The following SLIT2 variants were observed in gnomAD, a reference collection of about 807,000 sequenced individuals.
SLIT2 encodes slit homolog 2 protein.
A neutral mutation model predicts 185.7 loss-of-function variants in SLIT2; 41 were observed. The ratio of observed to expected loss-of-function variants is 0.22; its 90% CI spans 0.17 to 0.29. The LOEUF (loss-of-function observed/expected upper bound fraction) is 0.29, where lower values mean the gene tolerates loss of function less well. Ranked by LOEUF, SLIT2 falls within the 10% of genes least tolerant of loss-of-function variation. The probability of loss-of-function intolerance (pLI) is 1.00; values close to 1 mark genes in which losing one functional copy is unlikely to be tolerated. For missense variants in SLIT2, 1,571 were observed against 1,909.0 expected, an observed-to-expected ratio of 0.82 and a Z score of 3.30; for synonymous variants, 693 against 680.2, an observed-to-expected ratio of 1.02 and a Z score of -0.29.
intron 8 of SLIT2, chr4:20,490,865 C>CTT: frequency 7.1e-7 from 1 of 1,409,602 alleles, no homozygotes; most frequent in Non-Finnish European, 9.7e-7. Flanking sequence ...AGTTTAAGAG[C>CTT]TTGTTTAGAG....
At chr4:20,423,905 A>C (rs1728352476) in intron 4 of SLIT2, among the ~76,000 whole-genome samples, 1 of 152,128 alleles carries the variant, frequency 6.6e-6, no homozygotes, top group African/African-American at 2.4e-5. Flanking sequence ...AAGGAATGTA[A>C]TTTTGGCTCA....
intron 4 of SLIT2, among the ~76,000 whole-genome samples, chr4:20,321,476 G>C (rs913210570): frequency 6.6e-6 from 1 of 152,166 alleles, no homozygotes; most frequent in African/African-American, 2.4e-5. Flanking sequence ...ATTCAAGCTG[G>C]TGTGTAGGAC....
intron 4 of SLIT2, among the ~76,000 whole-genome samples, chr4:20,463,339 A>G (rs1713926277): frequency 6.6e-6 from 1 of 151,202 alleles, no homozygotes; most frequent in African/African-American, 2.4e-5. Context: ...GCCTGGGTCA[A>G]CCAAGCCGCC....
chr4:20,354,900 T>TGAGA (rs1265750841), intron 4 of SLIT2, among the ~76,000 whole-genome samples: 13 of 113,842 alleles, frequency 1.1e-4, no homozygotes, highest in African/African-American at 3.7e-4. Context: ...TGTGTGTGTG[T>TGAGA]GTGTGTGAGA....
chr4:20,425,735 A>T (rs1728512505), intron 4 of SLIT2, among the ~76,000 whole-genome samples: 1 of 152,222 alleles, frequency 6.6e-6, no homozygotes, highest in Admixed American at 6.5e-5. Context: ...AGTCTTTCAA[A>T]TATCCAAAAA....
intron 29 of SLIT2, among the ~76,000 whole-genome samples, chr4:20,582,487 T>A (rs1726668320): frequency 6.6e-6 from 1 of 152,208 alleles, no homozygotes; most frequent in Non-Finnish European, 1.5e-5. Context: ...TGAAGCCAGT[T>A]GCTATCAATC....
intron 20 of SLIT2, 80 bp from the exon 21 acceptor site, chr4:20,542,414 T>C: frequency 7.5e-7 from 1 of 1,332,780 alleles, no homozygotes; most frequent in East Asian, 2.3e-5. Flanking sequence ...GTTTGTTAAG[T>C]TAATTTAAAG....
intron 26 of SLIT2, among the ~76,000 whole-genome samples, chr4:20,564,636 T>C (rs1216153184): frequency 6.6e-6 from 1 of 151,950 alleles, no homozygotes; most frequent in African/African-American, 2.4e-5. Flanking sequence ...ACCATTTTGG[T>C]AAAGTTGGTA....
chr4:20,286,743 A>C (rs777380215), intron 4 of SLIT2, among the ~76,000 whole-genome samples: 39 of 152,224 alleles, frequency 2.6e-4, no homozygotes, highest in Non-Finnish European at 2.9e-4. Context: ...CAAAGGTTGC[A>C]GTGAGCTGAG....
At chr4:20,328,875 T>A (rs1352887216) in intron 4 of SLIT2, among the ~76,000 whole-genome samples, 1 of 152,076 alleles carries the variant, frequency 6.6e-6, no homozygotes, top group Non-Finnish European at 1.5e-5. Context: ...AATGTGTGTA[T>A]GTACATGTGT....
chr4:20,254,600 C>T lies in SLIT2; in HGVS notation c.179+606C>T, dbSNP rs904962104. ...CACCTCGCATAGTAGCCTCGCGCAG[C>T]CCCCCGCCCCCCACTTCTCCGGGGA... On this transcript the variant is annotated intron_variant, in intron 1 of 36. Transcript: ENST00000504154. The surrounding 1 kb of genome is among the most constrained non-coding windows in gnomAD (Gnocchi z 5.1). Among the ~76,000 whole-genome samples the T allele has an allele frequency of 6.6e-6, 1 of 152,100 alleles. No individual in the cohort carries two copies. Among genetic ancestry groups the T allele is most frequent in the Non-Finnish European group, 1.5e-5 (1 of 68,006 alleles).
chr4:20,522,860 G>T (rs762864898), intron 12 of SLIT2, among the ~76,000 whole-genome samples: 4 of 152,060 alleles, frequency 2.6e-5, no homozygotes, highest in Non-Finnish European at 5.9e-5. Flanking sequence ...GGAAAGGAAG[G>T]GAAATGAAAT....
At chr4:20,454,594 A>T (rs946304748) in intron 4 of SLIT2, among the ~76,000 whole-genome samples, 1 of 152,182 alleles carries the variant, frequency 6.6e-6, no homozygotes, top group Non-Finnish European at 1.5e-5. Flanking sequence ...TCAGACTCTA[A>T]GAGAGGTTAA....
chr4:20,578,424 T>C (rs908583465), intron 29 of SLIT2, among the ~76,000 whole-genome samples: 1 of 152,332 alleles, frequency 6.6e-6, no homozygotes, highest in Non-Finnish European at 1.5e-5. Context: ...CTGATTACAT[T>C]TAACACTAGA....
Position 20,553,982 on chromosome 4 carries a change from T to C in SLIT2, c.2725+14T>C. The C allele has an allele frequency of 6.4e-7, 1 of 1,562,418 alleles. No homozygotes were observed. Among genetic ancestry groups the C allele is most frequent in the Non-Finnish European group, 8.6e-7 (1 of 1,158,506 alleles). On this transcript the variant is annotated intron_variant, in intron 26 of 36. Coordinates refer to ENST00000504154, the MANE Select transcript of SLIT2 (RefSeq NM_004787.4). ...TTACCTGTCAAGGTATGGTTTTTAATCATTTGTATTTCTTTTAAGAATTAC... is the reference window on the plus strand; with the variant it reads ...TTACCTGTCAAGGTATGGTTTTTAACCATTTGTATTTCTTTTAAGAATTAC...
intron 9 of SLIT2, among the ~76,000 whole-genome samples, chr4:20,500,417 G>A (rs967664829): frequency 2.6e-5 from 4 of 152,010 alleles, no homozygotes; most frequent in East Asian, 1.9e-4. Flanking sequence ...TGATATTATT[G>A]CTACTTCAAA....
chr4:20,568,765 A>G (rs1397813992), intron 28 of SLIT2, 100 bp from the exon 29 acceptor site: 6 of 1,031,526 alleles, frequency 5.8e-6, no homozygotes, highest in Admixed American at 2.2e-5. Context: ...TAAAAGCTCT[A>G]TGGTTGATGA....
At chr4:20,366,926 T>C (rs1463003996) in intron 4 of SLIT2, among the ~76,000 whole-genome samples, 1 of 151,848 alleles carries the variant, frequency 6.6e-6, no homozygotes, top group Non-Finnish European at 1.5e-5. Flanking sequence ...GCCTCCCAAA[T>C]AGCTGGGACT....
intron 1 of SLIT2, among the ~76,000 whole-genome samples, chr4:20,255,634 A>G (rs547153725): frequency 1.3e-5 from 2 of 152,188 alleles, no homozygotes; most frequent in African/African-American, 4.8e-5. Flanking sequence ...TTTAAGCACG[A>G]ACATGTCTTA....
Sources: gnomAD v4.1 joint callset for allele counts (sites outside exome capture counted in the v4.1 genomes callset) on GRCh38, gnomAD v4.1.1 for gene constraint, Gnocchi (gnomAD v3.1) non-coding constraint, MANE v1.5 for transcripts, NCBI Gene and HGNC (gene_info 2026-07-23, HGNC 2026-07-21) for gene names.